The following HS6ST3 variants were observed in gnomAD, a reference collection of about 807,000 sequenced individuals.
HS6ST3 encodes the protein heparan sulfate 6-O-sulfotransferase 3, also known as heparan-sulfate 6-O-sulfotransferase 3.
A neutral mutation model predicts 36.7 loss-of-function variants in HS6ST3; 12 were observed. That is an observed-to-expected ratio of 0.33 (90% CI 0.21 to 0.53). The LOEUF is 0.53. Among genes scored for constraint, HS6ST3 ranks in the 20% least tolerant of loss-of-function variants. HS6ST3 has a pLI of 0.95. For missense variants in HS6ST3, 584 were observed against 640.9 expected (o/e 0.91, Z 0.96); for synonymous variants, 240 against 257.5 (o/e 0.93, Z 0.65).
intron 1 of HS6ST3, among the ~76,000 whole-genome samples, chr13:96,529,388 G>T (rs1298320030): frequency 6.6e-6 from 1 of 152,148 alleles, no homozygotes; most frequent in Non-Finnish European, 1.5e-5. Context: ...CATGTTAGAT[G>T]CAGTAAGAAT....
intron 1 of HS6ST3, among the ~76,000 whole-genome samples, chr13:96,452,675 G>A (rs547746495): frequency 6.6e-6 from 1 of 152,088 alleles, no homozygotes; most frequent in East Asian, 1.9e-4. Context: ...AAATATGGCT[G>A]CTCCCAGGTC....
chr13:96,498,051 G>A (rs746377310), intron 1 of HS6ST3, among the ~76,000 whole-genome samples: 1 of 152,188 alleles, frequency 6.6e-6, no homozygotes, highest in African/African-American at 2.4e-5. Context: ...AAGTCTGGAT[G>A]CTTTTACAGG....
intron 1 of HS6ST3, among the ~76,000 whole-genome samples, chr13:96,481,081 A>G (rs2055888013): frequency 6.6e-6 from 1 of 152,270 alleles, no homozygotes; most frequent in South Asian, 2.1e-4. Flanking sequence ...TTGATAGAGA[A>G]TGATAATTTC....
At chr13:96,784,099 A>C (rs78118476) in intron 1 of HS6ST3, among the ~76,000 whole-genome samples, 1 of 148,216 alleles carries the variant, frequency 6.7e-6, no homozygotes, top group Non-Finnish European at 1.5e-5. Flanking sequence ...CTTGCTGAGA[A>C]AAAAAAAAAA....
At chr13:96,662,548 TG>T (rs2056650174) in intron 1 of HS6ST3, among the ~76,000 whole-genome samples, 1 of 147,396 alleles carries the variant, frequency 6.8e-6, no homozygotes, top group Non-Finnish European at 1.5e-5. Flanking sequence ...GTGTGTGTGT[TG>T]GTTTTCAGCT....
chr13:96,499,135 C>T (rs1384246714), intron 1 of HS6ST3, among the ~76,000 whole-genome samples: 1 of 151,708 alleles, frequency 6.6e-6, no homozygotes, highest in African/African-American at 2.4e-5. Flanking sequence ...AAGTGATTCT[C>T]CTGCCTCAGC....
intron 1 of HS6ST3, among the ~76,000 whole-genome samples, chr13:96,658,582 C>T (rs1247384910): frequency 5.1e-4 from 6 of 11,854 alleles, no homozygotes; most frequent in Admixed American, 4.4e-3. Flanking sequence ...CATGCCTGGC[C>T]GTATCTTTCT....
At chr13:96,254,478 TATATATATATATATATATATACACATAC>T (rs1314381885) in intron 1 of HS6ST3, among the ~76,000 whole-genome samples, 313 of 10,294 alleles carry the variant, frequency 0.03, 27 homozygotes, top group African/African-American at 0.049. Flanking sequence ...TATATATATA[TATATATATATATATATATATACACATAC>T]ATACACACAC....
intron 1 of HS6ST3, among the ~76,000 whole-genome samples, chr13:96,503,073 T>C (rs541282919): frequency 6.6e-6 from 1 of 152,264 alleles, no homozygotes; most frequent in Admixed American, 6.5e-5. Flanking sequence ...AAATGAAAAT[T>C]TAGTGAGCTT....
intron 1 of HS6ST3, among the ~76,000 whole-genome samples, chr13:96,758,766 T>C (rs558471922): frequency 3.0e-4 from 46 of 152,062 alleles, no homozygotes; most frequent in Admixed American, 9.8e-4. Context: ...TTGAGACTTA[T>C]GATACAACAT....
chr13:96,541,871 A>G (rs2056179139), intron 1 of HS6ST3, among the ~76,000 whole-genome samples: 1 of 152,184 alleles, frequency 6.6e-6, no homozygotes, highest in Admixed American at 6.5e-5. Flanking sequence ...AACTCATCGT[A>G]TCATTTGATT....
intron 1 of HS6ST3, among the ~76,000 whole-genome samples, chr13:96,564,851 T>A (rs1430927310): frequency 6.6e-6 from 1 of 152,174 alleles, no homozygotes; most frequent in Non-Finnish European, 1.5e-5. Context: ...AATTTCCTAC[T>A]AAATCCATGA....
chr13:96,536,274 G>T (rs142584976), intron 1 of HS6ST3, among the ~76,000 whole-genome samples: 59 of 152,250 alleles, frequency 3.9e-4, no homozygotes, highest in African/African-American at 1.3e-3. Flanking sequence ...GTTGTCTTTG[G>T]TCTAATCACA....
chr13:96,343,497 C>T (rs994582611), intron 1 of HS6ST3, among the ~76,000 whole-genome samples: 1 of 152,126 alleles, frequency 6.6e-6, no homozygotes, highest in Non-Finnish European at 1.5e-5. Context: ...TACATTGGGT[C>T]CACCTGATAA....
chr13:96,654,862 A>G (rs2056619424), intron 1 of HS6ST3, among the ~76,000 whole-genome samples: 1 of 152,086 alleles, frequency 6.6e-6, no homozygotes. Flanking sequence ...CTCTATCTGT[A>G]TTACTTTTAC....
At chr13:96,764,021 A>C (rs187181767) in intron 1 of HS6ST3, among the ~76,000 whole-genome samples, 23 of 152,286 alleles carry the variant, frequency 1.5e-4, no homozygotes, top group African/African-American at 5.5e-4. Flanking sequence ...TACCCACCAA[A>C]TCACAGTCAT....
At chr13:96,236,044 G>C (rs1012992960) in intron 1 of HS6ST3, among the ~76,000 whole-genome samples, 12 of 152,220 alleles carry the variant, frequency 7.9e-5, no homozygotes, top group Non-Finnish European at 1.5e-4. Flanking sequence ...CAAACCACTG[G>C]TGTAAGTACA....
At chr13:96,414,627 C>T (rs533729607) in intron 1 of HS6ST3, among the ~76,000 whole-genome samples, 83 of 152,124 alleles carry the variant, frequency 5.5e-4, no homozygotes, top group Non-Finnish European at 1.0e-3. Flanking sequence ...GGATTACTGG[C>T]GCCTGCCACC....
chr13:96,420,987 C>A (rs1024203031), intron 1 of HS6ST3, among the ~76,000 whole-genome samples: 10 of 152,116 alleles, frequency 6.6e-5, no homozygotes, highest in Admixed American at 3.9e-4. Flanking sequence ...TTCTTCTACT[C>A]TTATGAAAAT....
Sources: gnomAD v4.1 joint callset for allele counts (sites outside exome capture counted in the v4.1 genomes callset) on GRCh38, gnomAD v4.1.1 for gene constraint, MANE v1.5 for transcripts, NCBI Gene and HGNC (gene_info 2026-07-23, HGNC 2026-07-21) for gene names.